The following GNAO1 variants were observed in gnomAD, a reference collection of about 807,000 sequenced individuals.
The protein encoded by GNAO1 is G protein subunit alpha o1.
For synonymous variants in GNAO1, 164 were observed against 180.7 expected (o/e 0.91, Z 0.74); for missense variants, 166 against 478.7 (o/e 0.35, Z 6.10).
intron 2 of GNAO1, among the ~76,000 whole-genome samples, chr16:56,246,109 C>G (rs2036741934): frequency 6.6e-6 from 1 of 152,190 alleles, no homozygotes; most frequent in African/African-American, 2.4e-5. Flanking sequence ...AGCCTACCTG[C>G]TGCCTGAGCT....
At chr16:56,268,482 C>T (rs2036981082) in intron 2 of GNAO1, among the ~76,000 whole-genome samples, 1 of 152,222 alleles carries the variant, frequency 6.6e-6, no homozygotes, top group Admixed American at 6.5e-5. Flanking sequence ...AATGACTCTA[C>T]CCCTTTTACT....
At position 56,354,778 on chromosome 16, in the gene GNAO1, C is replaced by T. The variant is rs2143704591; in HGVS notation, c.878-88C>T. ...TCATCCCACTTCCTGGGACACGCCACAACCCACTTCTTGTCTTCATGTCCC... is the reference window on the plus strand; with the variant it reads ...TCATCCCACTTCCTGGGACACGCCATAACCCACTTCTTGTCTTCATGTCCC... On this transcript the variant is annotated intron_variant, in intron 7 of 8. Coordinates refer to ENST00000262493, the MANE Select transcript of GNAO1 (RefSeq NM_020988.3). This position sits in a 1 kb window ranked among gnomAD's most constrained non-coding sequence, Gnocchi z 4.3. 1.3e-6 allele frequency: 1 copy of T among 775,532 alleles called. No individual in the cohort carries two copies. Among genetic ancestry groups the T allele is most frequent in the East Asian group, 2.5e-5 (1 of 39,460 alleles). The allele number at this position is 775,532 out of a possible 1,614,324, so 48.0% of individuals were successfully genotyped here. A position where few individuals can be genotyped will look rare whatever the true frequency, so the allele number is the denominator to read the frequency against.
intron 2 of GNAO1, among the ~76,000 whole-genome samples, chr16:56,211,549 C>T (rs2036388083): frequency 1.3e-5 from 2 of 152,114 alleles, no homozygotes; most frequent in Non-Finnish European, 2.9e-5. Flanking sequence ...AGTTTCTGCC[C>T]AAAGTTCTGA....
intron 2 of GNAO1, among the ~76,000 whole-genome samples, chr16:56,201,748 A>G (rs2036283646): frequency 1.3e-5 from 2 of 152,224 alleles, no homozygotes; most frequent in African/African-American, 4.8e-5. Context: ...TTTAATGAGT[A>G]TGGACAAAAA....
intron 2 of GNAO1, among the ~76,000 whole-genome samples, chr16:56,236,425 A>G (rs2036637811): frequency 6.6e-6 from 1 of 152,160 alleles, no homozygotes; most frequent in Admixed American, 6.5e-5. Context: ...ATTAGAAGAG[A>G]GAAAGGGAAA....
intron 3 of GNAO1, chr16:56,276,472 G>T (rs1358785537): frequency 6.3e-6 from 1 of 157,862 alleles, no homozygotes; most frequent in Non-Finnish European, 1.4e-5. Context: ...TCCTTGCCTT[G>T]TTGTGGAGTG....
At chr16:56,340,101 C>T (rs2037785908) in intron 6 of GNAO1, among the ~76,000 whole-genome samples, 1 of 152,192 alleles carries the variant, frequency 6.6e-6, no homozygotes, top group Non-Finnish European at 1.5e-5. Flanking sequence ...ACTGGTTGAA[C>T]CAATTTTTCA....
At position 56,298,422 on chromosome 16, in the gene GNAO1, G is replaced by A. The variant is rs545050678; in HGVS notation, c.303+22350G>A. 3.1e-4 allele frequency among the ~76,000 whole-genome samples: 47 copies of A among 152,230 alleles called. 1 individual carries two copies. The Middle Eastern group carries it at 0.01, about 33-fold the overall frequency. ...ATCAGCGACAGTGATGATGACAAGGGCAGTAACAACTTCCCCCACACGTGG... is the reference window on the plus strand; with the variant it reads ...ATCAGCGACAGTGATGATGACAAGGACAGTAACAACTTCCCCCACACGTGG... On this transcript the variant is annotated intron_variant, in intron 3 of 8. Coordinates refer to ENST00000262493, the MANE Select transcript of GNAO1 (RefSeq NM_020988.3).
chr16:56,281,912 A>G (rs1196314425), intron 3 of GNAO1, among the ~76,000 whole-genome samples: 1 of 152,278 alleles, frequency 6.6e-6, no homozygotes, highest in Admixed American at 6.5e-5. Context: ...CTATATAAAC[A>G]TATGTAAAAT....
At chr16:56,344,097 C>T in intron 6 of GNAO1, 1 of 1,459,858 alleles carries the variant, frequency 6.8e-7, no homozygotes, top group South Asian at 1.4e-5. Context: ...GAGGGAGCAT[C>T]CTCCACCCGC....
chr16:56,252,978 T>C (rs955651555), intron 2 of GNAO1, among the ~76,000 whole-genome samples: 2 of 152,224 alleles, frequency 1.3e-5, no homozygotes, highest in Non-Finnish European at 2.9e-5. Context: ...CAATGGAACT[T>C]TGGGCTGATG....
intron 3 of GNAO1, among the ~76,000 whole-genome samples, chr16:56,287,932 G>A (rs541102372): frequency 8.5e-5 from 13 of 152,282 alleles, no homozygotes; most frequent in Non-Finnish European, 1.9e-4. Context: ...CTGAGATGGC[G>A]CGCTGCATAG....
intron 2 of GNAO1, among the ~76,000 whole-genome samples, chr16:56,224,965 A>G (rs547499967): frequency 4.6e-5 from 7 of 152,308 alleles, no homozygotes; most frequent in African/African-American, 1.7e-4. Context: ...CTGTCATTCC[A>G]AGGGCTTCTG....
At chr16:56,245,103 G>A (rs1248433606) in intron 2 of GNAO1, among the ~76,000 whole-genome samples, 3 of 152,020 alleles carry the variant, frequency 2.0e-5, no homozygotes, top group Non-Finnish European at 4.4e-5. Flanking sequence ...TGAGCCAGGA[G>A]AAAGCACTAG....
intron 6 of GNAO1, chr16:56,346,595 C>T: frequency 1.0e-6 from 1 of 985,370 alleles, no homozygotes. Flanking sequence ...GTGGGGTCTG[C>T]CCAGCCCCAA....
chr16:56,284,360 T>G (rs2143542115), intron 3 of GNAO1, among the ~76,000 whole-genome samples: 1 of 152,168 alleles, frequency 6.6e-6, no homozygotes, highest in Non-Finnish European at 1.5e-5. Context: ...AAGCTCCTGG[T>G]TTGAGGGAAG....
At chr16:56,300,008 CGTGTGTGT>C (rs71381116) in intron 3 of GNAO1, among the ~76,000 whole-genome samples, 1 of 129,782 alleles carries the variant, frequency 7.7e-6, no homozygotes, top group South Asian at 2.9e-4. Flanking sequence ...GATTGGGGTT[CGTGTGTGT>C]GTGTGTGTGT....
At chr16:56,321,367 C>G (rs1213215368) in intron 3 of GNAO1, among the ~76,000 whole-genome samples, 1 of 152,230 alleles carries the variant, frequency 6.6e-6, no homozygotes, top group Non-Finnish European at 1.5e-5. Flanking sequence ...AGGTGCCTCC[C>G]TCTCAGCTCT....
intron 3 of GNAO1, among the ~76,000 whole-genome samples, chr16:56,278,971 T>A (rs1456438280): frequency 2.0e-5 from 3 of 152,180 alleles, no homozygotes; most frequent in African/African-American, 7.2e-5. Context: ...ATCTGCCATT[T>A]GGATGCTGGG....
Sources: allele counts gnomAD v4.1 joint callset (sites outside exome capture counted in the v4.1 genomes callset), GRCh38; gene constraint gnomAD v4.1.1; non-coding constraint Gnocchi (gnomAD v3.1); transcripts MANE v1.5; gene names NCBI Gene and HGNC (gene_info 2026-07-23, HGNC 2026-07-21).